OSBPL10: variants seen among roughly 807,000 people sequenced by gnomAD.
OSBPL10 encodes the protein oxysterol-binding protein-related protein 10.
Under a neutral mutation model 81.7 loss-of-function variants are expected in OSBPL10, and 49 were observed. The observed-to-expected ratio is 0.60, with a 90% CI of 0.48 to 0.76. OSBPL10 has a LOEUF of 0.76. OSBPL10 is among the 30% of genes least tolerant of loss of function. OSBPL10 has a pLI of 0.00. For missense variants in OSBPL10, 923 were observed against 987.8 expected (o/e 0.93, Z 0.88); for synonymous variants, 419 against 383.6 (o/e 1.09, Z -1.08).
rs199954407 is a variant in OSBPL10, at chr3:31,687,583, G to A, written c.1246-3469C>T. Among the ~76,000 whole-genome samples, 25 of 152,270 alleles carry A rather than the reference G, an allele frequency of 1.6e-4. No homozygotes were observed. The East Asian group carries it at 4.1e-3, about 25-fold the overall frequency. On this transcript the variant is annotated intron_variant, in intron 7 of 11. Transcript: ENST00000396556. ...AGTGCACTGCCCTGGTCCCACAGGTGAGGGCGCTATGCCTGGGCCACCCAG... is the reference window on the plus strand; with the variant it reads ...AGTGCACTGCCCTGGTCCCACAGGTAAGGGCGCTATGCCTGGGCCACCCAG...
At chr3:31,765,208 GT>G (rs562046627) in intron 4 of OSBPL10, among the ~76,000 whole-genome samples, 5 of 145,862 alleles carry the variant, frequency 3.4e-5, no homozygotes, top group Admixed American at 6.9e-5. Flanking sequence ...TTTTGTTTTT[GT>G]TTTTTTTTTG....
At chr3:32,068,380 G>T (rs1368469713) in intron 1 of OSBPL10, among the ~76,000 whole-genome samples, 3 of 152,126 alleles carry the variant, frequency 2.0e-5, no homozygotes, top group African/African-American at 7.2e-5. Flanking sequence ...TGCTTTGGCT[G>T]CTCACCCACA....
chr3:31,870,749 T>C (rs1701301502), intron 3 of OSBPL10, among the ~76,000 whole-genome samples: 1 of 152,136 alleles, frequency 6.6e-6, no homozygotes, highest in African/African-American at 2.4e-5. Flanking sequence ...GCTGCTCTGG[T>C]GGGGCCTTGG....
chr3:31,756,933 C>G (rs946838811), intron 4 of OSBPL10, among the ~76,000 whole-genome samples: 1 of 152,188 alleles, frequency 6.6e-6, no homozygotes, highest in Non-Finnish European at 1.5e-5. Context: ...CCTGCGTTAG[C>G]TAACAGGCTT....
At position 32,074,276 on chromosome 3, in the gene OSBPL10, T is replaced by C. The variant is rs58233829; in HGVS notation, n.185+3120A>G. On this transcript the variant is annotated intron_variant and non_coding_transcript_variant, in intron 1 of 3. Coordinates refer to the OSBPL10 transcript ENST00000479173. ...CTTCTCCGCATCTACTTACGGCACC[T>C]TTCTCCTTATGTCAATTCCACGCCC... Among the ~76,000 whole-genome samples the C allele has an allele frequency of 3.3e-5, 5 of 152,252 alleles. No homozygotes were observed. In the East Asian group the frequency reaches 9.6e-4, roughly 29 times the overall value.
At chr3:31,689,209 G>T (rs1183248881) in intron 7 of OSBPL10, among the ~76,000 whole-genome samples, 3 of 152,030 alleles carry the variant, frequency 2.0e-5, no homozygotes, top group Non-Finnish European at 4.4e-5. Context: ...CAGTATCACT[G>T]CCATGAAAGG....
intron 1 of OSBPL10, among the ~76,000 whole-genome samples, chr3:31,978,060 T>TA (rs1432834748): frequency 1.3e-5 from 2 of 152,154 alleles, no homozygotes; most frequent in African/African-American, 4.8e-5. Context: ...TGATGCCAAG[T>TA]GTTAAAATAT....
chr3:31,819,932 G>T (rs572450728), intron 4 of OSBPL10, among the ~76,000 whole-genome samples: 1 of 152,140 alleles, frequency 6.6e-6, no homozygotes, highest in Non-Finnish European at 1.5e-5. Flanking sequence ...ATCTGTAGAT[G>T]GCCACTTCTG....
At chr3:31,759,749 T>C (rs1697978835) in intron 4 of OSBPL10, among the ~76,000 whole-genome samples, 1 of 152,110 alleles carries the variant, frequency 6.6e-6, no homozygotes, top group Admixed American at 6.6e-5. Flanking sequence ...AAAGAGATGT[T>C]ATTTTGTTTT....
At chr3:31,687,029 G>A (rs905204845) in intron 7 of OSBPL10, among the ~76,000 whole-genome samples, 2 of 152,142 alleles carry the variant, frequency 1.3e-5, no homozygotes, top group African/African-American at 4.8e-5. Flanking sequence ...TAAGCAGCTT[G>A]GAAATCCCTT....
intron 3 of OSBPL10, among the ~76,000 whole-genome samples, chr3:31,831,532 C>A (rs982295520): frequency 6.6e-6 from 1 of 151,974 alleles, no homozygotes; most frequent in Non-Finnish European, 1.5e-5. Flanking sequence ...CAAAGCCCAA[C>A]TATAAACTAG....
At chr3:31,774,871 G>A (rs771677767) in intron 4 of OSBPL10, among the ~76,000 whole-genome samples, 2 of 150,198 alleles carry the variant, frequency 1.3e-5, no homozygotes, top group African/African-American at 2.4e-5. Context: ...CATTACTTAA[G>A]AATGGAGATT....
At chr3:31,732,298 A>G (rs1446767524) in intron 6 of OSBPL10, among the ~76,000 whole-genome samples, 1 of 148,256 alleles carries the variant, frequency 6.7e-6, no homozygotes, top group African/African-American at 2.6e-5. Context: ...TATAAGAGTT[A>G]TGCTACTACA....
At chr3:31,937,784 CT>C (rs1048430153) in intron 1 of OSBPL10, among the ~76,000 whole-genome samples, 14 of 152,198 alleles carry the variant, frequency 9.2e-5, no homozygotes, top group Non-Finnish European at 1.8e-4. Context: ...TTGCCCAAAG[CT>C]GTTTCCAATA....
intron 3 of OSBPL10, among the ~76,000 whole-genome samples, chr3:31,852,216 G>A (rs1458493349): frequency 6.6e-6 from 1 of 152,122 alleles, no homozygotes; most frequent in East Asian, 1.9e-4. Flanking sequence ...CATTATCTGA[G>A]GCAGGGATTT....
chr3:31,756,864 G>A (rs1697903979), intron 4 of OSBPL10, among the ~76,000 whole-genome samples: 1 of 152,156 alleles, frequency 6.6e-6, no homozygotes, highest in South Asian at 2.1e-4. Flanking sequence ...ACTATTGCAG[G>A]CCGCAGGCAT....
chr3:31,852,370 A>G (rs944771073), intron 3 of OSBPL10, among the ~76,000 whole-genome samples: 2 of 152,162 alleles, frequency 1.3e-5, no homozygotes, highest in South Asian at 4.1e-4. Flanking sequence ...ACATCCTACA[A>G]TGCTCATGAC....
intron 3 of OSBPL10, among the ~76,000 whole-genome samples, chr3:31,838,370 G>C (rs1044990450): frequency 6.6e-6 from 1 of 152,020 alleles, no homozygotes; most frequent in Non-Finnish European, 1.5e-5. Flanking sequence ...AATTAGCCGG[G>C]CGTGGTGGCG....
intron 5 of OSBPL10, among the ~76,000 whole-genome samples, chr3:31,734,375 CA>C (rs1375310688): frequency 6.6e-6 from 1 of 152,130 alleles, no homozygotes; most frequent in Non-Finnish European, 1.5e-5. Flanking sequence ...ACATTTTATA[CA>C]CCTACTAATA....
Sources: gnomAD v4.1 joint callset for allele counts (sites outside exome capture counted in the v4.1 genomes callset) on GRCh38, gnomAD v4.1.1 for gene constraint, MANE v1.5 for transcripts, NCBI Gene and HGNC (gene_info 2026-07-23, HGNC 2026-07-21) for gene names.